PARD3B: variants seen among roughly 807,000 people sequenced by gnomAD.
PARD3B encodes partitioning defective 3 homolog B.
PARD3B carries 103 observed loss-of-function variants against 130.2 expected under a neutral mutation model. The observed-to-expected ratio is 0.79, with a 90% CI of 0.67 to 0.93. PARD3B has a LOEUF of 0.93. Ranked by LOEUF, PARD3B falls within the 40% of genes least tolerant of loss-of-function variation. The pLI, the probability that PARD3B is intolerant of heterozygous loss-of-function variation, is 0.00. For synonymous variants in PARD3B, 583 were observed against 553.2 expected (o/e 1.05, Z -0.76); for missense variants, 1,609 against 1,499.2 (o/e 1.07, Z -1.21).
At chr2:204,823,280 T>C (rs1424181718) in intron 2 of PARD3B, among the ~76,000 whole-genome samples, 1 of 152,166 alleles carries the variant, frequency 6.6e-6, no homozygotes, top group Non-Finnish European at 1.5e-5. Context: ...AAAATAAGTG[T>C]CATTTATATA....
chr2:205,348,869 G>GATA (rs1185328330), intron 18 of PARD3B, among the ~76,000 whole-genome samples: 1 of 138,648 alleles, frequency 7.2e-6, no homozygotes, highest in East Asian at 1.9e-4. Flanking sequence ...GAAAGTAAAG[G>GATA]ATAATAATAA....
intron 3 of PARD3B, among the ~76,000 whole-genome samples, chr2:205,004,055 T>G (rs78170613): frequency 2.6e-5 from 4 of 152,198 alleles, no homozygotes; most frequent in African/African-American, 9.7e-5. Flanking sequence ...TAAGGAGAGT[T>G]TGAGGCAGTT....
At chr2:204,936,398 A>C (rs2125790221) in intron 2 of PARD3B, among the ~76,000 whole-genome samples, 1 of 152,374 alleles carries the variant, frequency 6.6e-6, no homozygotes, top group African/African-American at 2.4e-5. Flanking sequence ...TCAATCTATT[A>C]ACATGCCGGC....
intron 4 of PARD3B, among the ~76,000 whole-genome samples, chr2:205,071,969 T>G (rs748104670): frequency 7.0e-6 from 1 of 143,810 alleles, no homozygotes; most frequent in African/African-American, 2.5e-5. Context: ...GTGTGACTCA[T>G]GTTTTCTGTG....
rs868313468 is a variant in PARD3B, at chr2:205,460,695, G to T, written c.3044+20023G>T. 2.6e-5 allele frequency among the ~76,000 whole-genome samples: 4 copies of T among 152,094 alleles called. No homozygotes were observed. The highest frequency in any genetic ancestry group is 9.7e-5 in the African/African-American group (4 of 41,420). On this transcript the variant is annotated intron_variant, in intron 20 of 22. Transcript: ENST00000406610. The surrounding 1 kb of genome is among the most constrained non-coding windows in gnomAD (Gnocchi z 4.9). ...GCCTCTCTTTGCCTCCAGAATGAAG[G>T]TGATACCGTATCTCATAAAATTCAC...
chr2:205,077,588 C>T (rs2125502352), intron 4 of PARD3B, among the ~76,000 whole-genome samples: 1 of 152,242 alleles, frequency 6.6e-6, no homozygotes, highest in East Asian at 1.9e-4. Context: ...GCCAAAAATG[C>T]AGAGCCTTCT....
chr2:204,716,276 A>C (rs2038719856), intron 2 of PARD3B, among the ~76,000 whole-genome samples: 2 of 152,286 alleles, frequency 1.3e-5, no homozygotes, highest in African/African-American at 4.8e-5. Context: ...TGTGGGCCAC[A>C]GATCAGCAAC....
intron 3 of PARD3B, among the ~76,000 whole-genome samples, chr2:205,032,182 A>G (rs1316557011): frequency 1.3e-5 from 2 of 152,004 alleles, no homozygotes; most frequent in East Asian, 1.9e-4. Context: ...GTCAATAATA[A>G]TCCGTGGATC....
intron 20 of PARD3B, among the ~76,000 whole-genome samples, chr2:205,485,281 C>T (rs1326762027): frequency 6.6e-6 from 1 of 152,162 alleles, no homozygotes; most frequent in East Asian, 1.9e-4. Flanking sequence ...CGTGCTTCAT[C>T]ACCAGATGAT....
Position 205,575,523 on chromosome 2 carries a change from C to T in PARD3B, c.3260+22120C>T, listed in dbSNP as rs896950627. On this transcript the variant is annotated intron_variant, in intron 22 of 22. Coordinates refer to ENST00000406610, the MANE Select transcript of PARD3B (RefSeq NM_001302769.2). This position sits in a 1 kb window ranked among gnomAD's most constrained non-coding sequence, Gnocchi z 4.6. ...TGCCCTAAAAATCTTAAGTGCTCTT[C>T]CTAGTCATACCCCACTCCACACCAT... 1.4e-4 allele frequency among the ~76,000 whole-genome samples: 21 copies of T among 152,094 alleles called. No homozygotes were observed. The highest frequency in any genetic ancestry group is 5.1e-4 in the African/African-American group (21 of 41,408).
chr2:204,978,283 T>A (rs996069898), intron 3 of PARD3B, among the ~76,000 whole-genome samples: 1 of 152,196 alleles, frequency 6.6e-6, no homozygotes, highest in Admixed American at 6.5e-5. Flanking sequence ...GTTACACAGA[T>A]CAATAATGCT....
intron 18 of PARD3B, among the ~76,000 whole-genome samples, chr2:205,375,607 T>C (rs1320069884): frequency 6.6e-6 from 1 of 151,728 alleles, no homozygotes; most frequent in Non-Finnish European, 1.5e-5. Context: ...TTTTGGAAAA[T>C]CCCAGAGAAC....
chr2:204,819,857 C>A (rs960056503), intron 2 of PARD3B, among the ~76,000 whole-genome samples: 4 of 152,090 alleles, frequency 2.6e-5, no homozygotes, highest in Non-Finnish European at 4.4e-5. Flanking sequence ...CCCTGACTCT[C>A]TTCAGTTTAA....
chr2:205,210,455 G>A lies in PARD3B; in HGVS notation c.2140+17135G>A, dbSNP rs77314857. On this transcript the variant is annotated intron_variant, in intron 15 of 22. Transcript: ENST00000406610. ...AAGTTTACTCTGGAATAAATGTAGCGTGATTCACTTGACTAATATTATACT... is the reference window on the plus strand; with the variant it reads ...AAGTTTACTCTGGAATAAATGTAGCATGATTCACTTGACTAATATTATACT... 2.2e-3 allele frequency among the ~76,000 whole-genome samples: 338 copies of A among 152,124 alleles called. 4 individuals are homozygous for A. The East Asian group carries it at 0.042, about 19-fold the overall frequency.
chr2:204,968,000 G>A lies in PARD3B; in HGVS notation c.394+2677G>A, dbSNP rs541774238. On this transcript the variant is annotated intron_variant, in intron 3 of 22. Transcript: ENST00000406610. This position sits in a 1 kb window ranked among gnomAD's most constrained non-coding sequence, Gnocchi z 4.4. ...CATGAAATGTCAGCCATTGAACCCA[G>A]GCCCTTCATCTCCCTTCCCCAGTCA... Among the ~76,000 whole-genome samples, 1 of 152,260 alleles carries A rather than the reference G, an allele frequency of 6.6e-6. No homozygotes were observed. Among genetic ancestry groups the A allele is most frequent in the South Asian group, 2.1e-4 (1 of 4,820 alleles).
chr2:205,238,820 T>TA (rs2125908410), intron 15 of PARD3B, among the ~76,000 whole-genome samples: 1 of 33,182 alleles, frequency 3.0e-5, no homozygotes, highest in Admixed American at 4.0e-4. Flanking sequence ...CAACAAAAGC[T>TA]AAAAAACTCC....
intron 2 of PARD3B, among the ~76,000 whole-genome samples, chr2:204,918,316 G>T (rs1413997406): frequency 6.6e-6 from 1 of 152,196 alleles, no homozygotes; most frequent in African/African-American, 2.4e-5. Flanking sequence ...TGCTAGACTT[G>T]CTTTGAAACT....
chr2:204,681,046 T>C (rs1292137548), intron 1 of PARD3B, among the ~76,000 whole-genome samples: 3 of 152,156 alleles, frequency 2.0e-5, no homozygotes, highest in Non-Finnish European at 2.9e-5. Context: ...ATTCATGTTT[T>C]TAAAATATTT....
intron 12 of PARD3B, among the ~76,000 whole-genome samples, chr2:205,175,049 T>A (rs1032578815): frequency 6.6e-6 from 1 of 152,180 alleles, no homozygotes; most frequent in African/African-American, 2.4e-5. Flanking sequence ...GCAGAATATG[T>A]TTAAAAATCC....
Sources: gnomAD v4.1 joint callset for allele counts (sites outside exome capture counted in the v4.1 genomes callset) on GRCh38, gnomAD v4.1.1 for gene constraint, Gnocchi (gnomAD v3.1) non-coding constraint, MANE v1.5 for transcripts, NCBI Gene and HGNC (gene_info 2026-07-23, HGNC 2026-07-21) for gene names.